Variants in SYNE1 observed in about 807,000 individuals in gnomAD.
SYNE1 encodes nesprin-1.
In SYNE1, 616 loss-of-function variants were observed where a neutral mutation model predicts 1,111.0. The observed-to-expected ratio is 0.55, with a 90% CI of 0.52 to 0.59. SYNE1 has a LOEUF of 0.59. Among genes scored for constraint, SYNE1 ranks in the 20% least tolerant of loss-of-function variants. The probability of loss-of-function intolerance (pLI) is 0.00; values close to 1 mark genes in which losing one functional copy is unlikely to be tolerated. For missense variants in SYNE1, 10,006 were observed against 10,417.0 expected (o/e 0.96, Z 1.72); for synonymous variants, 3,855 against 3,825.8 (o/e 1.01, Z -0.28).
chr6:152,373,355 C>T lies in SYNE1; in HGVS notation c.9325-136G>A. 12 of 766,570 alleles carry T rather than the reference C, an allele frequency of 1.6e-5. 1 individual carries two copies. The highest frequency in any genetic ancestry group is 5.7e-5 in the South Asian group (3 of 52,270). The allele number at this position is 766,570 out of a possible 1,614,324, so 47.5% of individuals were successfully genotyped here. A position where few individuals can be genotyped will look rare whatever the true frequency, so the allele number is the denominator to read the frequency against. ...AGTGCAGTAGTGCGATCTCGGCTCA[C>T]TGCAGCCTCCGTCTTCTGCGTTCAA... On this transcript the variant is annotated intron_variant, in intron 58 of 145. Coordinates refer to ENST00000367255, the MANE Select transcript of SYNE1 (RefSeq NM_182961.4).
chr6:152,542,066 G>A (rs969645554), intron 3 of SYNE1, among the ~76,000 whole-genome samples: 1 of 152,136 alleles, frequency 6.6e-6, no homozygotes, highest in African/African-American at 2.4e-5. Flanking sequence ...TCACAAACTA[G>A]TAAACGCTAT....
chr6:152,419,531 AT>A (rs748651129), intron 40 of SYNE1, 37 bp downstream of exon 40: 5 of 1,562,472 alleles, frequency 3.2e-6, no homozygotes, highest in Non-Finnish European at 4.3e-6. Flanking sequence ...TTATGAAGAA[AT>A]TCTTCTTCAA....
intron 95 of SYNE1, among the ~76,000 whole-genome samples, chr6:152,291,995 A>G (rs1371565282): frequency 1.3e-5 from 2 of 152,166 alleles, no homozygotes; most frequent in Non-Finnish European, 2.9e-5. Context: ...TCCTTCCAGT[A>G]CAGTGAAGCA....
At chr6:152,188,635 G>A (rs1343681427) in intron 128 of SYNE1, among the ~76,000 whole-genome samples, 3 of 151,952 alleles carry the variant, frequency 2.0e-5, no homozygotes, top group Non-Finnish European at 4.4e-5. Flanking sequence ...TCACATCTGT[G>A]AACCATAACA....
chr6:152,333,187 C>A (rs900682670), intron 77 of SYNE1, among the ~76,000 whole-genome samples: 2 of 152,162 alleles, frequency 1.3e-5, no homozygotes, highest in East Asian at 1.9e-4. Flanking sequence ...ATATAATGAT[C>A]CAGTATGTGT....
intron 56 of SYNE1, chr6:152,380,446 CAA>C (rs1229577439): frequency 4.0e-4 from 43 of 107,000 alleles, no homozygotes; most frequent in Admixed American, 6.8e-4. Context: ...CCATTAGCTT[CAA>C]AAAAAAAAAA....
chr6:152,152,285 T>C (rs930747946), intron 133 of SYNE1, 144 bp from the exon 134 acceptor site: 34 of 760,378 alleles, frequency 4.5e-5, no homozygotes, highest in Middle Eastern at 3.6e-4. Context: ...AACGGTACAC[T>C]TCCCCTTGTT....
At chr6:152,140,406 A>G (rs911032204) in intron 139 of SYNE1, among the ~76,000 whole-genome samples, 1 of 152,246 alleles carries the variant, frequency 6.6e-6, no homozygotes, top group African/African-American at 2.4e-5. Flanking sequence ...CACACTGTAA[A>G]GAGCTTTACG....
At chr6:152,577,612 G>C (rs572075883) in intron 3 of SYNE1, among the ~76,000 whole-genome samples, 12 of 152,078 alleles carry the variant, frequency 7.9e-5, no homozygotes, top group African/African-American at 2.9e-4. Context: ...CAGCCTGGGG[G>C]ACAGAGCGAG....
chr6:152,260,402 GTA>G (rs1276113607), intron 101 of SYNE1, among the ~76,000 whole-genome samples: 2 of 152,120 alleles, frequency 1.3e-5, no homozygotes, highest in Non-Finnish European at 2.9e-5. Context: ...CACGCAAAAA[GTA>G]TAGGGCACCA....
At chr6:152,424,836 A>T (rs1351141837) in intron 39 of SYNE1, among the ~76,000 whole-genome samples, 1 of 152,240 alleles carries the variant, frequency 6.6e-6, no homozygotes, top group African/African-American at 2.4e-5. Flanking sequence ...GCCTAAGATC[A>T]CATGGGTGAT....
chr6:152,522,564 T>C (rs1434116495), intron 5 of SYNE1, among the ~76,000 whole-genome samples: 1 of 152,168 alleles, frequency 6.6e-6, no homozygotes, highest in Non-Finnish European at 1.5e-5. Flanking sequence ...TTCCTTTGGG[T>C]AGACACCCAG....
intron 72 of SYNE1, 151 bp from the exon 73 acceptor site, chr6:152,347,386 C>T (rs1194501582): frequency 1.6e-5 from 15 of 916,352 alleles, no homozygotes; most frequent in South Asian, 6.4e-5. Flanking sequence ...AAAACAAAAG[C>T]ACATGTATGT....
chr6:152,143,861 C>T, intron 137 of SYNE1, 96 bp from the exon 138 acceptor site: 1 of 1,572,358 alleles, frequency 6.4e-7, no homozygotes, highest in South Asian at 1.1e-5. Context: ...ATTTCAGTTA[C>T]AGCAGCATAG....
intron 13 of SYNE1, 140 bp downstream of exon 13, chr6:152,484,695 A>T: frequency 1.1e-6 from 1 of 874,378 alleles, no homozygotes; most frequent in Non-Finnish European, 1.7e-6. Context: ...GGAGGCAAAG[A>T]TTCTCCCATA....
chr6:152,487,677 C>T (rs904904206), intron 12 of SYNE1, among the ~76,000 whole-genome samples: 3 of 152,158 alleles, frequency 2.0e-5, no homozygotes, highest in Non-Finnish European at 4.4e-5. Context: ...CCCTCCAATA[C>T]TCATGTTGCA....
intron 98 of SYNE1, among the ~76,000 whole-genome samples, chr6:152,270,351 G>T (rs546342060): frequency 6.6e-6 from 1 of 152,228 alleles, no homozygotes; most frequent in African/African-American, 2.4e-5. Context: ...GAGGTCAGTG[G>T]TGTGATTATT....
At chr6:152,485,193 G>A (rs1161818171) in intron 12 of SYNE1, among the ~76,000 whole-genome samples, 1 of 152,070 alleles carries the variant, frequency 6.6e-6, no homozygotes, top group Non-Finnish European at 1.5e-5. Flanking sequence ...ATCCTCTCTG[G>A]TTCTCTCCAT....
Position 152,404,318 on chromosome 6 carries a change from C to A in SYNE1, c.6724-4G>T. 7 of 1,602,988 alleles carry A rather than the reference C, an allele frequency of 4.4e-6. No individual in the cohort carries two copies. The highest frequency in any genetic ancestry group is 6.0e-6 in the Non-Finnish European group (7 of 1,171,946). ...ATGCTTTGTTTTTAACTTCAGACTG[C>A]CAAAAGGGAAGAAACATAACTAATC... On this transcript the variant is annotated splice_polypyrimidine_tract_variant and splice_region_variant and intron_variant, in intron 45 of 145. Coordinates refer to ENST00000367255, the MANE Select transcript of SYNE1 (RefSeq NM_182961.4).
Sources: allele counts gnomAD v4.1 joint callset (sites outside exome capture counted in the v4.1 genomes callset), GRCh38; gene constraint gnomAD v4.1.1; transcripts MANE v1.5; gene names NCBI Gene and HGNC (gene_info 2026-07-23, HGNC 2026-07-21).